Variants in THSD7B observed in about 807,000 individuals in gnomAD.
THSD7B encodes thrombospondin type-1 domain-containing protein 7B.
A neutral mutation model predicts 213.6 loss-of-function variants in THSD7B; 138 were observed. The observed-to-expected ratio is 0.65, with a 90% CI of 0.56 to 0.74. The LOEUF (loss-of-function observed/expected upper bound fraction) is 0.74, where lower values mean the gene tolerates loss of function less well. Among genes scored for constraint, THSD7B ranks in the 30% least tolerant of loss-of-function variants. The pLI, the probability that THSD7B is intolerant of heterozygous loss-of-function variation, is 0.00. For missense variants in THSD7B, 1,931 were observed against 1,991.5 expected (o/e 0.97, Z 0.58); for synonymous variants, 742 against 687.0 (o/e 1.08, Z -1.25).
At chr2:137,649,418 G>A (rs1683098940) in intron 21 of THSD7B, among the ~76,000 whole-genome samples, 1 of 152,050 alleles carries the variant, frequency 6.6e-6, no homozygotes, top group Non-Finnish European at 1.5e-5. Context: ...CGGTTCTTAG[G>A]TTTAAGACTT....
chr2:137,290,435 A>G (rs1457006636), intron 12 of THSD7B, among the ~76,000 whole-genome samples: 1 of 152,004 alleles, frequency 6.6e-6, no homozygotes, highest in African/African-American at 2.4e-5. Context: ...CCTGTTTTGC[A>G]GTTTTCTCCC....
intron 1 of THSD7B, among the ~76,000 whole-genome samples, chr2:136,798,368 T>C (rs1682110363): frequency 6.6e-6 from 1 of 151,954 alleles, no homozygotes; most frequent in African/African-American, 2.4e-5. Context: ...TTTCTTTGCA[T>C]GATTATAGAG....
At chr2:136,818,380 C>T (rs1682513940) in intron 1 of THSD7B, among the ~76,000 whole-genome samples, 1 of 145,730 alleles carries the variant, frequency 6.9e-6, no homozygotes, top group South Asian at 2.3e-4. Flanking sequence ...GGGAATATCA[C>T]ACTCTGGGGA....
At chr2:136,980,300 C>T (rs926989058) in intron 2 of THSD7B, among the ~76,000 whole-genome samples, 15 of 152,152 alleles carry the variant, frequency 9.9e-5, no homozygotes, top group South Asian at 2.1e-4. Context: ...AAGTGCTTGG[C>T]GCTGGGGGGA....
At chr2:137,248,295 C>T (rs1682088545) in intron 10 of THSD7B, among the ~76,000 whole-genome samples, 1 of 152,128 alleles carries the variant, frequency 6.6e-6, no homozygotes, top group Non-Finnish European at 1.5e-5. Flanking sequence ...GCACCTGTTT[C>T]TATGCCTGTA....
chr2:136,886,183 T>C (rs1683713118), intron 2 of THSD7B, among the ~76,000 whole-genome samples: 1 of 152,104 alleles, frequency 6.6e-6, no homozygotes, highest in Admixed American at 6.5e-5. Context: ...ATGGGGTATG[T>C]CCTCATAGGT....
rs2044691 is a variant in THSD7B at position 137,592,783 on chromosome 2, T to A, written c.3423+20227T>A. ...TGATAAATTTTTTTACTTCTTATAT[T>A]TCTGAATAACCACTAAACACAAAAA... On this transcript the variant is annotated intron_variant, in intron 17 of 27. Coordinates refer to ENST00000409968, the MANE Select transcript of THSD7B (RefSeq NM_001316349.2). 3.9e-5 allele frequency among the ~76,000 whole-genome samples: 6 copies of A among 151,938 alleles called. No homozygotes were observed. The East Asian group carries it at 1.2e-3, about 29-fold the overall frequency.
chr2:137,197,232 G>C (rs1428959917), intron 7 of THSD7B, among the ~76,000 whole-genome samples: 1 of 152,160 alleles, frequency 6.6e-6, no homozygotes, highest in African/African-American at 2.4e-5. Flanking sequence ...TTAGGCGACA[G>C]CATTATTTCC....
intron 2 of THSD7B, among the ~76,000 whole-genome samples, chr2:136,884,610 C>T (rs1683685467): frequency 6.6e-6 from 1 of 152,120 alleles, no homozygotes; most frequent in South Asian, 2.1e-4. Flanking sequence ...TTTAATTCTT[C>T]CATATGTGCA....
chr2:136,943,157 GT>G (rs1286792786), intron 2 of THSD7B, among the ~76,000 whole-genome samples: 3 of 152,108 alleles, frequency 2.0e-5, no homozygotes, highest in Non-Finnish European at 4.4e-5. Context: ...TTTGTCATTG[GT>G]TCTGTTTATG....
chr2:137,436,404 C>A (rs1687292589), intron 14 of THSD7B, among the ~76,000 whole-genome samples: 1 of 152,102 alleles, frequency 6.6e-6, no homozygotes, highest in African/African-American at 2.4e-5. Flanking sequence ...CACGAGAATG[C>A]ACAGCTGAGA....
chr2:137,167,143 G>A (rs1680153999), intron 6 of THSD7B, among the ~76,000 whole-genome samples: 1 of 151,832 alleles, frequency 6.6e-6, no homozygotes, highest in Non-Finnish European at 1.5e-5. Flanking sequence ...ATAAGCTTCT[G>A]TCCTGTTTGT....
chr2:137,119,013 T>G (rs573516161), intron 5 of THSD7B, among the ~76,000 whole-genome samples: 4 of 152,244 alleles, frequency 2.6e-5, no homozygotes, highest in Admixed American at 6.5e-5. Flanking sequence ...CATGATTCAA[T>G]TATCTCCCAC....
At chr2:137,047,410 G>C (rs1299339486) in intron 2 of THSD7B, among the ~76,000 whole-genome samples, 1 of 152,218 alleles carries the variant, frequency 6.6e-6, no homozygotes, top group Non-Finnish European at 1.5e-5. Flanking sequence ...AGGCTCAGGT[G>C]CTTACTGTTT....
chr2:137,295,635 C>T (rs931459254), intron 12 of THSD7B, among the ~76,000 whole-genome samples: 1 of 151,984 alleles, frequency 6.6e-6, no homozygotes, highest in Non-Finnish European at 1.5e-5. Context: ...GCCACCATGG[C>T]CAGCTAACTT....
chr2:137,669,316 T>C (rs1683514972), intron 27 of THSD7B, among the ~76,000 whole-genome samples: 2 of 151,298 alleles, frequency 1.3e-5, no homozygotes, highest in Non-Finnish European at 2.9e-5. Context: ...TGACTTTAAT[T>C]CTTTCTGCCA....
chr2:137,655,669 T>C lies in THSD7B; in HGVS notation c.4105+9T>C. The C allele has an allele frequency of 6.2e-7, 1 of 1,610,510 alleles. No homozygotes were observed. Among genetic ancestry groups the C allele is most frequent in the Non-Finnish European group, 8.5e-7 (1 of 1,178,028 alleles). On this transcript the variant is annotated intron_variant, in intron 22 of 27. Coordinates refer to ENST00000409968, the MANE Select transcript of THSD7B (RefSeq NM_001316349.2). ...TTCTGTGCCTTGCCCAGGTATGCAATGCTAGTGATTGGGAGCGCCTCCCAT... is the reference window on the plus strand; with the variant it reads ...TTCTGTGCCTTGCCCAGGTATGCAACGCTAGTGATTGGGAGCGCCTCCCAT...
chr2:137,260,815 A>T (rs1349871694), intron 10 of THSD7B, among the ~76,000 whole-genome samples: 1 of 152,184 alleles, frequency 6.6e-6, no homozygotes, highest in African/African-American at 2.4e-5. Context: ...CTAGACATGC[A>T]GTTTCCTATA....
chr2:137,089,235 TAAAG>T (rs1427067979), intron 3 of THSD7B, among the ~76,000 whole-genome samples: 1 of 148,768 alleles, frequency 6.7e-6, no homozygotes, highest in Non-Finnish European at 1.5e-5. Flanking sequence ...AATGAGTGGA[TAAAG>T]AAAGTGGTGT....
Sources: allele counts gnomAD v4.1 joint callset (sites outside exome capture counted in the v4.1 genomes callset), GRCh38; gene constraint gnomAD v4.1.1; transcripts MANE v1.5; gene names NCBI Gene and HGNC (gene_info 2026-07-23, HGNC 2026-07-21).